The following ATP6V0E1 variants were observed in gnomAD, a reference collection of about 807,000 sequenced individuals.
ATP6V0E1 encodes ATPase H+ transporting V0 subunit e1.
ATP6V0E1 carries 4 observed loss-of-function variants against 11.6 expected under a neutral mutation model. That is an observed-to-expected ratio of 0.35 (90% CI 0.17 to 0.79). The LOEUF (loss-of-function observed/expected upper bound fraction) is 0.79, where lower values mean the gene tolerates loss of function less well. Among genes scored for constraint, ATP6V0E1 ranks in the 30% least tolerant of loss-of-function variants. The pLI is 0.54. For synonymous variants in ATP6V0E1, 36 were observed against 34.8 expected, an observed-to-expected ratio of 1.04 and a Z score of -0.13; for missense variants, 105 against 100.0, an observed-to-expected ratio of 1.05 and a Z score of -0.21.
intron 2 of ATP6V0E1, among the ~76,000 whole-genome samples, chr5:172,997,394 TAAA>T (rs558937496): frequency 6.7e-6 from 1 of 150,296 alleles, no homozygotes; most frequent in Non-Finnish European, 1.5e-5. Context: ...AAATGGCTGT[TAAA>T]AAAAAAATCC....
intron 3 of ATP6V0E1, chr5:173,020,783 T>C (rs1390601016): frequency 3.8e-6 from 2 of 519,500 alleles, no homozygotes; most frequent in East Asian, 5.4e-5. Context: ...GTTACACTGC[T>C]GGGAGAGGAA....
At chr5:172,998,677 C>T (rs779513030) in intron 2 of ATP6V0E1, among the ~76,000 whole-genome samples, 27 of 151,150 alleles carry the variant, frequency 1.8e-4, no homozygotes, top group Admixed American at 1.1e-3. Flanking sequence ...GATTTTAGTA[C>T]GATGGTTGAC....
chr5:173,000,531 A>C (rs763423640), intron 2 of ATP6V0E1, among the ~76,000 whole-genome samples: 5 of 152,174 alleles, frequency 3.3e-5, no homozygotes, highest in Non-Finnish European at 7.3e-5. Context: ...TACTGGCATC[A>C]TGATATAGGA....
rs113955609 is a variant in ATP6V0E1 at position 173,017,018 on chromosome 5, A to G, written c.153-3220A>G. ...GTTTCTGTGGGCACAAGCTTCTGAT[A>G]TGGTGCTGGCTAATTCTCCAGCAAT... On this transcript the variant is annotated intron_variant, in intron 2 of 3. Coordinates refer to ENST00000519374, the MANE Select transcript of ATP6V0E1 (RefSeq NM_003945.4). Among the ~76,000 whole-genome samples the G allele has an allele frequency of 8.7e-3, 1,319 of 152,240 alleles. 19 individuals carry two copies. Among genetic ancestry groups the G allele is most frequent in the African/African-American group, 0.03 (1,257 of 41,516 alleles).
chr5:173,026,382 A>T (rs1756558679), intron 3 of ATP6V0E1, among the ~76,000 whole-genome samples: 1 of 152,022 alleles, frequency 6.6e-6, no homozygotes, highest in Non-Finnish European at 1.5e-5. Flanking sequence ...AATTTATTGT[A>T]TTTTTTTCTG....
At chr5:173,004,777 A>G (rs1220994193) in intron 2 of ATP6V0E1, among the ~76,000 whole-genome samples, 1 of 152,200 alleles carries the variant, frequency 6.6e-6, no homozygotes. Flanking sequence ...GGGTTTTGGC[A>G]GTTAGGCATG....
chr5:173,030,270 T>G (rs1756628916), intron 3 of ATP6V0E1, among the ~76,000 whole-genome samples: 1 of 152,176 alleles, frequency 6.6e-6, no homozygotes, highest in Admixed American at 6.6e-5. Flanking sequence ...ATATATAGCC[T>G]TACATATCAT....
chr5:173,002,045 C>T (rs1756163309), intron 2 of ATP6V0E1, among the ~76,000 whole-genome samples: 1 of 152,130 alleles, frequency 6.6e-6, no homozygotes, highest in Non-Finnish European at 1.5e-5. Context: ...GATAATGAAC[C>T]TTCATTTGCT....
intron 3 of ATP6V0E1, among the ~76,000 whole-genome samples, chr5:173,032,465 A>G (rs968861814): frequency 2.0e-5 from 3 of 151,316 alleles, no homozygotes; most frequent in African/African-American, 7.3e-5. Context: ...ATTTTTTTGT[A>G]TTTTTAGTAG....
At chr5:172,998,759 T>C (rs146319347) in intron 2 of ATP6V0E1, among the ~76,000 whole-genome samples, 13 of 152,204 alleles carry the variant, frequency 8.5e-5, no homozygotes, top group African/African-American at 3.1e-4. Flanking sequence ...GTGTCAAGGA[T>C]TGGTCTGTCA....
chr5:173,029,434 T>A (rs565354969), intron 3 of ATP6V0E1, among the ~76,000 whole-genome samples: 3 of 152,172 alleles, frequency 2.0e-5, no homozygotes, highest in Non-Finnish European at 4.4e-5. Context: ...ATTATGTCTC[T>A]TGTGTCCGCC....
chr5:173,023,089 T>A (rs1445705962), intron 3 of ATP6V0E1, among the ~76,000 whole-genome samples: 3 of 152,242 alleles, frequency 2.0e-5, no homozygotes, highest in Non-Finnish European at 2.9e-5. Flanking sequence ...ACTCCTGGGC[T>A]CAAGTGATCC....
At chr5:172,996,910 A>C (rs1430000848) in intron 2 of ATP6V0E1, among the ~76,000 whole-genome samples, 3 of 151,938 alleles carry the variant, frequency 2.0e-5, no homozygotes, top group Admixed American at 2.0e-4. Flanking sequence ...AGAAGGCACA[A>C]CAATTTTGCT....
At chr5:173,000,151 G>T (rs966795247) in intron 2 of ATP6V0E1, among the ~76,000 whole-genome samples, 1 of 152,078 alleles carries the variant, frequency 6.6e-6, no homozygotes, top group African/African-American at 2.4e-5. Context: ...GTTTGTTGCA[G>T]TTTTTTCTGG....
intron 3 of ATP6V0E1, among the ~76,000 whole-genome samples, chr5:173,024,839 CT>C (rs1437013950): frequency 6.9e-6 from 1 of 145,094 alleles, no homozygotes; most frequent in African/African-American, 2.5e-5. Flanking sequence ...TTATTTTTTT[CT>C]TTTTTCTTTT....
rs1756205602 is a variant in ATP6V0E1, at chr5:173,004,757, G to T, written c.152+9935G>T. Among the ~76,000 whole-genome samples the T allele has an allele frequency of 3.3e-5, 5 of 152,258 alleles. No homozygotes were observed. In the South Asian group the frequency reaches 1.0e-3, roughly 32 times the overall value. The stretch of plus-strand genomic sequence containing the variant: ...CCTGAAGGCTTTCCACAATAGCTTG[G>T]CAGGGGAGAGGGTTTTGGCAGTTAG... On this transcript the variant is annotated intron_variant, in intron 2 of 3. Coordinates refer to ENST00000519374, the MANE Select transcript of ATP6V0E1 (RefSeq NM_003945.4).
chr5:172,991,069 T>C (rs573474595), intron 1 of ATP6V0E1, among the ~76,000 whole-genome samples: 1 of 152,274 alleles, frequency 6.6e-6, no homozygotes, highest in Admixed American at 6.5e-5. Context: ...TCCTCCCGCC[T>C]CAGCCTCCTG....
chr5:173,021,775 G>A (rs1013526840), intron 3 of ATP6V0E1, among the ~76,000 whole-genome samples: 5 of 152,300 alleles, frequency 3.3e-5, no homozygotes, highest in East Asian at 1.9e-4. Flanking sequence ...TTGGTCGTGC[G>A]CGGTGGCTCA....
intron 1 of ATP6V0E1, among the ~76,000 whole-genome samples, chr5:172,988,659 C>G (rs773720382): frequency 6.6e-6 from 1 of 152,118 alleles, no homozygotes; most frequent in South Asian, 2.1e-4. Flanking sequence ...TTTCAGGATA[C>G]GTGAAGGAGC....
Sources: gnomAD v4.1 joint callset for allele counts (sites outside exome capture counted in the v4.1 genomes callset) on GRCh38, gnomAD v4.1.1 for gene constraint, MANE v1.5 for transcripts, NCBI Gene and HGNC (gene_info 2026-07-23, HGNC 2026-07-21) for gene names.